Variants in SYT16 observed in about 807,000 individuals in gnomAD.
SYT16 encodes the protein synaptotagmin-16.
Under a neutral mutation model 61.4 loss-of-function variants are expected in SYT16, and 42 were observed. The observed-to-expected ratio is 0.68, with a 90% confidence interval of 0.53 to 0.89. The LOEUF is 0.89. SYT16 is among the 40% of genes least tolerant of loss of function. SYT16 has a pLI of 0.00. For synonymous variants in SYT16, 314 were observed against 302.3 expected (o/e 1.04, Z -0.40); for missense variants, 804 against 807.3 (o/e 1.00, Z 0.05).
In SYT16 at chr14:61,891,682, T is replaced by C. The variant is rs10131579; in HGVS notation, c.-324-78450T>C. Among the ~76,000 whole-genome samples the C allele has an allele frequency of 2.5e-3, 378 of 151,418 alleles. 1 individual carries two copies. The highest frequency in any genetic ancestry group is 9.0e-3 in the African/African-American group (370 of 41,274). On this transcript the variant is annotated intron_variant, in intron 1 of 7. Coordinates refer to ENST00000683842, the MANE Select transcript of SYT16 (RefSeq NM_001367656.1). The stretch of plus-strand genomic sequence containing the variant: ...AGAACAGAGAACAAGATAAAAGGAG[T>C]GATAGGGAAAAGAATGAAGCCAGAA...
At chr14:61,888,392 A>G (rs1283072399) in intron 1 of SYT16, among the ~76,000 whole-genome samples, 1 of 152,186 alleles carries the variant, frequency 6.6e-6, no homozygotes. Flanking sequence ...TGCTGGGATT[A>G]CAGGCATGAG....
At chr14:61,919,934 C>T (rs1438725963) in intron 1 of SYT16, among the ~76,000 whole-genome samples, 1 of 152,260 alleles carries the variant, frequency 6.6e-6, no homozygotes, top group Non-Finnish European at 1.5e-5. Context: ...TTAGTCATCT[C>T]AAATCCTTGA....
intron 3 of SYT16, among the ~76,000 whole-genome samples, chr14:62,044,827 G>A (rs555710495): frequency 3.2e-4 from 49 of 152,216 alleles, no homozygotes; most frequent in African/African-American, 1.1e-3. Flanking sequence ...ATATACCAGC[G>A]ACAACTATTT....
intron 3 of SYT16, among the ~76,000 whole-genome samples, chr14:62,005,361 G>A (rs138194843): frequency 4.6e-5 from 7 of 152,210 alleles, no homozygotes; most frequent in African/African-American, 1.7e-4. Flanking sequence ...TCAGGTCTGG[G>A]ATATATGAGG....
At position 61,972,992 on chromosome 14, in the gene SYT16, C is replaced by T. The variant is rs370158264; in HGVS notation, c.-145+2681C>T. On this transcript the variant is annotated intron_variant, in intron 2 of 7. Coordinates refer to ENST00000683842, the MANE Select transcript of SYT16 (RefSeq NM_001367656.1). ...GAATGGAAGAGAACTAATAAAAATG[C>T]GACCATCCTACTCTTAGATTAAACC... Among the ~76,000 whole-genome samples the T allele has an allele frequency of 2.1e-3, 322 of 152,170 alleles. 2 individuals are homozygous for T. Among genetic ancestry groups the T allele is most frequent in the Middle Eastern group, 6.8e-3 (2 of 294 alleles).
chr14:62,098,289 C>T (rs1164156723), intron 7 of SYT16, among the ~76,000 whole-genome samples: 1 of 152,138 alleles, frequency 6.6e-6, no homozygotes, highest in Non-Finnish European at 1.5e-5. Flanking sequence ...ACAGAATGTA[C>T]AGAATGATTG....
intron 2 of SYT16, among the ~76,000 whole-genome samples, chr14:61,977,255 G>C (rs2051850722): frequency 6.6e-6 from 1 of 152,146 alleles, no homozygotes; most frequent in South Asian, 2.1e-4. Flanking sequence ...TTCCAAAGTT[G>C]CTTCCACATT....
chr14:61,875,862 G>A (rs902994650), intron 1 of SYT16, among the ~76,000 whole-genome samples: 1 of 152,202 alleles, frequency 6.6e-6, no homozygotes, highest in Non-Finnish European at 1.5e-5. Flanking sequence ...CTGATTGGTG[G>A]TGTCTAGACC....
intron 3 of SYT16, among the ~76,000 whole-genome samples, chr14:62,001,404 A>G (rs189637038): frequency 6.6e-6 from 1 of 152,168 alleles, no homozygotes; most frequent in Non-Finnish European, 1.5e-5. Context: ...TCAGCACTTT[A>G]AGATTGCCAT....
Position 62,100,829 on chromosome 14 carries a change from C to A in SYT16, c.*122C>A. 2 of 980,170 alleles carry A rather than the reference C, an allele frequency of 2.0e-6. No homozygotes were observed. The highest frequency in any genetic ancestry group is 2.9e-6 in the Non-Finnish European group (2 of 681,122). The allele number at this position is 980,170 out of a possible 1,614,324, so 60.7% of individuals were successfully genotyped here. ...AAACAGATTCCACTAACCCCTAGGA[C>A]ATTGTGAGTGGGAGTTTTGGGTTTC... On this transcript the variant is annotated 3_prime_UTR_variant, in exon 8 of 8. Coordinates refer to ENST00000683842, the MANE Select transcript of SYT16 (RefSeq NM_001367656.1).
At chr14:61,859,423 A>G (rs1464616824) in intron 1 of SYT16, among the ~76,000 whole-genome samples, 2 of 151,810 alleles carry the variant, frequency 1.3e-5, no homozygotes, top group Admixed American at 6.6e-5. Flanking sequence ...GATTAAACCA[A>G]TCTGTGAGCC....
At chr14:62,094,504 G>A (rs2057198516) in intron 7 of SYT16, among the ~76,000 whole-genome samples, 1 of 151,960 alleles carries the variant, frequency 6.6e-6, no homozygotes, top group South Asian at 2.1e-4. Flanking sequence ...AGGTGGAAGT[G>A]TTACCATCTC....
chr14:61,919,500 C>A (rs1202686222), intron 1 of SYT16, among the ~76,000 whole-genome samples: 1 of 152,184 alleles, frequency 6.6e-6, no homozygotes, highest in Non-Finnish European at 1.5e-5. Context: ...AGTTTTCTTG[C>A]CATTTCTGGC....
chr14:61,895,453 G>T lies in SYT16; in HGVS notation c.-324-74679G>T, dbSNP rs2048293634. Among the ~76,000 whole-genome samples the T allele has an allele frequency of 2.6e-5, 4 of 152,124 alleles. No individual in the cohort carries two copies. The South Asian group carries it at 8.3e-4, about 32-fold the overall frequency. On this transcript the variant is annotated intron_variant, in intron 1 of 7. Coordinates refer to ENST00000683842, the MANE Select transcript of SYT16 (RefSeq NM_001367656.1). Reference sequence around the variant, plus strand: ...CAAATATTCATTGAATCTTTTTCTTGTTCAAGCTGTTCCTTTTTGTGTCTG... The same window carrying T: ...CAAATATTCATTGAATCTTTTTCTTTTTCAAGCTGTTCCTTTTTGTGTCTG...
chr14:62,093,393 A>G, intron 7 of SYT16, among the ~76,000 whole-genome samples: 1 of 152,180 alleles, frequency 6.6e-6, no homozygotes, highest in Middle Eastern at 3.4e-3. Context: ...AGTAGTCATA[A>G]TAAATATAAA....
intron 2 of SYT16, among the ~76,000 whole-genome samples, chr14:61,990,703 C>T (rs762554132): frequency 3.3e-5 from 5 of 152,070 alleles, no homozygotes; most frequent in Non-Finnish European, 5.9e-5. Context: ...CTTCTTAGGT[C>T]GTAACTGTCC....
upstream of SYT16, chr14:61,812,661 C>A (rs2045303298): frequency 6.9e-6 from 1 of 145,860 alleles, no homozygotes; most frequent in South Asian, 1.9e-4. Flanking sequence ...CGCGGCGCGG[C>A]GGGGGCGCGC....
chr14:61,902,194 G>C (rs1566665370), intron 1 of SYT16, among the ~76,000 whole-genome samples: 1 of 152,002 alleles, frequency 6.6e-6, no homozygotes, highest in Non-Finnish European at 1.5e-5. Context: ...CATTCTCTAT[G>C]TGCCCCTTAG....
intron 1 of SYT16, among the ~76,000 whole-genome samples, chr14:61,879,984 A>G (rs970692759): frequency 6.6e-6 from 1 of 152,222 alleles, no homozygotes; most frequent in African/African-American, 2.4e-5. Flanking sequence ...CACTGAAAAG[A>G]TAAAAGTAGT....
Sources: gnomAD v4.1 joint callset for allele counts (sites outside exome capture counted in the v4.1 genomes callset) on GRCh38, gnomAD v4.1.1 for gene constraint, MANE v1.5 for transcripts, NCBI Gene and HGNC (gene_info 2026-07-23, HGNC 2026-07-21) for gene names.